MAP2K4: variants seen among roughly 807,000 people sequenced by gnomAD.
MAP2K4 encodes the protein mitogen-activated protein kinase kinase 4.
A neutral mutation model predicts 48.5 loss-of-function variants in MAP2K4; 4 were observed. That is an observed-to-expected ratio of 0.08 (90% CI 0.04 to 0.19). The LOEUF is 0.19. Among genes scored for constraint, MAP2K4 ranks in the 10% least tolerant of loss-of-function variants. MAP2K4 has a pLI of 1.00. For synonymous variants in MAP2K4, 166 were observed against 173.1 expected (o/e 0.96, Z 0.32); for missense variants, 258 against 493.3 (o/e 0.52, Z 4.52).
intron 4 of MAP2K4, among the ~76,000 whole-genome samples, chr17:12,104,241 G>A (rs1268754172): frequency 6.6e-6 from 1 of 152,090 alleles, no homozygotes; most frequent in Non-Finnish European, 1.5e-5. Context: ...TCCACACGAA[G>A]GAAAAGAAAA....
At chr17:12,139,793 G>A (rs774189203) in intron 9 of MAP2K4, 46 bp from the exon 10 acceptor site, 2 of 1,314,326 alleles carry the variant, frequency 1.5e-6, no homozygotes, top group Non-Finnish European at 1.1e-6. Flanking sequence ...AAATACTTAG[G>A]CAAATGAATC....
At chr17:12,024,886 G>A (rs1969207932) in intron 1 of MAP2K4, among the ~76,000 whole-genome samples, 1 of 152,090 alleles carries the variant, frequency 6.6e-6, no homozygotes. Context: ...ACTTTAGCTG[G>A]GTTAGTGTGA....
At chr17:12,069,397 C>T (rs748419517) in intron 2 of MAP2K4, among the ~76,000 whole-genome samples, 3 of 152,062 alleles carry the variant, frequency 2.0e-5, no homozygotes, top group African/African-American at 4.8e-5. Context: ...AGGATCAGCT[C>T]TTAGGAAACA....
At chr17:12,040,985 G>A (rs1969760147) in intron 1 of MAP2K4, among the ~76,000 whole-genome samples, 1 of 151,818 alleles carries the variant, frequency 6.6e-6, no homozygotes, top group Non-Finnish European at 1.5e-5. Context: ...TTCTTTTTGG[G>A]TCTTTGTAAG....
rs1597397531 is a variant in MAP2K4 at position 12,035,243 on chromosome 17, C to T, written c.115+14242C>T. Among the ~76,000 whole-genome samples, 3 of 152,282 alleles carry T rather than the reference C, an allele frequency of 2.0e-5. No homozygotes were observed. The East Asian group carries it at 5.8e-4, about 29-fold the overall frequency. On this transcript the variant is annotated intron_variant, in intron 1 of 10. Transcript: ENST00000353533. The stretch of plus-strand genomic sequence containing the variant: ...TCTTTAAAATTGGGCTTGGGCTGGG[C>T]ACGGTGGCTCATGCCTGTAATCCCA...
At chr17:12,090,014 G>A (rs540456495) in intron 3 of MAP2K4, among the ~76,000 whole-genome samples, 1 of 152,062 alleles carries the variant, frequency 6.6e-6, no homozygotes, top group East Asian at 1.9e-4. Context: ...TATCCTTTTT[G>A]CCTAGAATGT....
intron 1 of MAP2K4, among the ~76,000 whole-genome samples, chr17:12,035,351 C>T (rs952372209): frequency 6.6e-6 from 1 of 152,080 alleles, no homozygotes; most frequent in African/African-American, 2.4e-5. Context: ...AACCCCGCCT[C>T]TACTAAAAAT....
At chr17:12,060,815 T>C (rs752590142) in intron 2 of MAP2K4, among the ~76,000 whole-genome samples, 70 of 152,118 alleles carry the variant, frequency 4.6e-4, no homozygotes, top group Non-Finnish European at 9.4e-4. Flanking sequence ...GTAGTAAATA[T>C]ACATAACGTA....
intron 4 of MAP2K4, among the ~76,000 whole-genome samples, chr17:12,100,026 C>T (rs1436751628): frequency 1.3e-5 from 2 of 152,112 alleles, no homozygotes; most frequent in Non-Finnish European, 2.9e-5. Context: ...CTTCTCCTTT[C>T]CCTCTTCTTT....
At chr17:12,024,304 G>T (rs1969187932) in intron 1 of MAP2K4, among the ~76,000 whole-genome samples, 1 of 152,156 alleles carries the variant, frequency 6.6e-6, no homozygotes, top group East Asian at 1.9e-4. Flanking sequence ...TTGATTATAA[G>T]AGTAATCAAC....
intron 2 of MAP2K4, among the ~76,000 whole-genome samples, chr17:12,056,987 A>G (rs923282522): frequency 5.3e-5 from 8 of 152,200 alleles, no homozygotes; most frequent in Non-Finnish European, 1.2e-4. Flanking sequence ...TTAGGAAAAG[A>G]TAAGATGAAA....
intron 9 of MAP2K4, 141 bp from the exon 10 acceptor site, chr17:12,139,698 T>G: frequency 1.8e-6 from 1 of 555,278 alleles, no homozygotes. Flanking sequence ...GCTTTTACTG[T>G]GTTTAGCAGG....
chr17:12,136,729 T>A (rs1373811167), intron 9 of MAP2K4, among the ~76,000 whole-genome samples: 1 of 152,218 alleles, frequency 6.6e-6, no homozygotes, highest in African/African-American at 2.4e-5. Context: ...CATAAGTTTA[T>A]ACACTGACAT....
chr17:12,034,199 A>AGT, intron 1 of MAP2K4, among the ~76,000 whole-genome samples: 1 of 152,380 alleles, frequency 6.6e-6, no homozygotes, highest in East Asian at 1.9e-4. Flanking sequence ...TTGTATATAC[A>AGT]GTGTCTATAA....
intron 1 of MAP2K4, among the ~76,000 whole-genome samples, chr17:12,034,431 T>C (rs1969531801): frequency 1.3e-5 from 2 of 152,360 alleles, no homozygotes; most frequent in East Asian, 1.9e-4. Context: ...CACTGTCTCT[T>C]TACACTGTGG....
intron 7 of MAP2K4, chr17:12,124,276 C>T (rs1207818369): frequency 6.6e-6 from 1 of 152,208 alleles, no homozygotes; most frequent in South Asian, 2.1e-4. Context: ...TCTGTGCCAA[C>T]AGGACCCTCT....
At chr17:12,045,688 G>C (rs117214808) in intron 1 of MAP2K4, among the ~76,000 whole-genome samples, 147 of 152,312 alleles carry the variant, frequency 9.7e-4, no homozygotes, top group Non-Finnish European at 1.9e-3. Context: ...TGCTCATGAG[G>C]AGCTTAATTA....
At chr17:12,077,086 C>T (rs1287756329) in intron 2 of MAP2K4, among the ~76,000 whole-genome samples, 1 of 152,114 alleles carries the variant, frequency 6.6e-6, no homozygotes, top group Non-Finnish European at 1.5e-5. Context: ...TTCAGGAGAA[C>T]GGAAACATCT....
At chr17:12,039,902 C>T (rs1969723089) in intron 1 of MAP2K4, among the ~76,000 whole-genome samples, 1 of 152,074 alleles carries the variant, frequency 6.6e-6, no homozygotes. Flanking sequence ...CTGATTGCAT[C>T]CTTTTAGTGT....
Sources: gnomAD v4.1 joint callset for allele counts (sites outside exome capture counted in the v4.1 genomes callset) on GRCh38, gnomAD v4.1.1 for gene constraint, MANE v1.5 for transcripts, NCBI Gene and HGNC (gene_info 2026-07-23, HGNC 2026-07-21) for gene names.